The following MGAT4C variants were observed in gnomAD, a reference collection of about 807,000 sequenced individuals.
The protein encoded by MGAT4C is alpha-1,3-mannosyl-glycoprotein 4-beta-N-acetylglucosaminyltransferase C.
Under a neutral mutation model 40.1 loss-of-function variants are expected in MGAT4C, and 19 were observed. The observed-to-expected ratio is 0.47, with a 90% CI of 0.33 to 0.70. The LOEUF (loss-of-function observed/expected upper bound fraction) is 0.70, where lower values mean the gene tolerates loss of function less well. Ranked by LOEUF, MGAT4C falls within the 30% of genes least tolerant of loss-of-function variation. The pLI is 0.02. For missense variants in MGAT4C, 491 were observed against 563.2 expected, an observed-to-expected ratio of 0.87 and a Z score of 1.30; for synonymous variants, 181 against 187.1, an observed-to-expected ratio of 0.97 and a Z score of 0.27.
At chr12:86,523,680 T>A (rs1280154980) in intron 2 of MGAT4C, among the ~76,000 whole-genome samples, 1 of 152,240 alleles carries the variant, frequency 6.6e-6, no homozygotes, top group South Asian at 2.1e-4. Flanking sequence ...ATTCTGTCAG[T>A]GGGGTTGTAA....
chr12:86,111,822 A>G (rs1877462904), intron 1 of MGAT4C, among the ~76,000 whole-genome samples: 1 of 151,866 alleles, frequency 6.6e-6, no homozygotes, highest in Admixed American at 6.6e-5. Flanking sequence ...GTTCAATAAA[A>G]GACAACCACA....
chr12:86,570,600 G>T (rs961166532), intron 2 of MGAT4C, among the ~76,000 whole-genome samples: 3 of 151,952 alleles, frequency 2.0e-5, no homozygotes, highest in African/African-American at 7.3e-5. Flanking sequence ...AAAAAGTGGC[G>T]GGGGAATAAA....
At chr12:86,835,379 A>G (rs1012072372) in intron 1 of MGAT4C, among the ~76,000 whole-genome samples, 6 of 152,032 alleles carry the variant, frequency 3.9e-5, no homozygotes, top group African/African-American at 1.4e-4. Flanking sequence ...TTTTCAAAGC[A>G]GAAGCTGTCT....
intron 1 of MGAT4C, among the ~76,000 whole-genome samples, chr12:86,082,708 T>C (rs537642290): frequency 1.3e-5 from 2 of 152,232 alleles, no homozygotes; most frequent in South Asian, 2.1e-4. Flanking sequence ...CTCCATAAAA[T>C]ACATTTCTAT....
At chr12:86,662,008 T>A (rs983266242) in intron 2 of MGAT4C, among the ~76,000 whole-genome samples, 1 of 152,138 alleles carries the variant, frequency 6.6e-6, no homozygotes, top group African/African-American at 2.4e-5. Context: ...TATATTTAGT[T>A]TCTAATGTGC....
At chr12:86,325,911 A>G (rs1954516420) in intron 4 of MGAT4C, among the ~76,000 whole-genome samples, 1 of 151,976 alleles carries the variant, frequency 6.6e-6, no homozygotes, top group Non-Finnish European at 1.5e-5. Context: ...TGCTTGACAC[A>G]GGGTTCCCTA....
intron 1 of MGAT4C, among the ~76,000 whole-genome samples, chr12:86,760,578 A>G (rs1264591906): frequency 6.6e-6 from 1 of 152,146 alleles, no homozygotes; most frequent in Non-Finnish European, 1.5e-5. Context: ...ATATGCAATG[A>G]AACAGCTTTA....
At chr12:86,284,936 AT>A (rs1335990895) in intron 4 of MGAT4C, among the ~76,000 whole-genome samples, 2 of 152,024 alleles carry the variant, frequency 1.3e-5, no homozygotes, top group Admixed American at 1.3e-4. Flanking sequence ...AATAGTATTA[AT>A]TTTAGCAACT....
intron 1 of MGAT4C, among the ~76,000 whole-genome samples, chr12:86,087,880 TA>T (rs1241601236): frequency 2.0e-4 from 31 of 151,876 alleles, no homozygotes; most frequent in Non-Finnish European, 4.4e-5. Context: ...AAAAAAAAAC[TA>T]TTTAAAAATT....
chr12:86,218,122 G>C (rs1566164901), intron 1 of MGAT4C, among the ~76,000 whole-genome samples: 1 of 148,612 alleles, frequency 6.7e-6, no homozygotes, highest in African/African-American at 2.5e-5. Context: ...TAGGTCATTG[G>C]AAAAAAAAAG....
chr12:86,683,178 G>C (rs1334162698), intron 2 of MGAT4C, among the ~76,000 whole-genome samples: 1 of 151,960 alleles, frequency 6.6e-6, no homozygotes, highest in Non-Finnish European at 1.5e-5. Flanking sequence ...ATAGGGTGGG[G>C]TTAAAAGTAT....
intron 2 of MGAT4C, among the ~76,000 whole-genome samples, chr12:86,452,213 C>CT (rs980824749): frequency 1.4e-5 from 2 of 147,562 alleles, no homozygotes; most frequent in African/African-American, 5.0e-5. Flanking sequence ...TTTTTATATA[C>CT]TTTTTTATTA....
chr12:86,123,114 A>G (rs949603200), intron 1 of MGAT4C, among the ~76,000 whole-genome samples: 2 of 151,924 alleles, frequency 1.3e-5, no homozygotes, highest in Non-Finnish European at 2.9e-5. Context: ...CAAAGTGCCG[A>G]CCCTCCCAGA....
At chr12:86,710,157 A>G (rs921928417) in intron 2 of MGAT4C, among the ~76,000 whole-genome samples, 7 of 152,238 alleles carry the variant, frequency 4.6e-5, no homozygotes, top group Admixed American at 4.6e-4. Flanking sequence ...ATTGAAGTAT[A>G]GTAAATTACA....
At chr12:86,514,617 C>G (rs1404207108) in intron 2 of MGAT4C, among the ~76,000 whole-genome samples, 2 of 152,198 alleles carry the variant, frequency 1.3e-5, no homozygotes, top group Non-Finnish European at 2.9e-5. Flanking sequence ...TCTCTATCTT[C>G]TGCCTTTCTC....
chr12:86,036,122 G>A (rs11830958), intron 2 of MGAT4C, among the ~76,000 whole-genome samples: 1 of 149,774 alleles, frequency 6.7e-6, no homozygotes, highest in Non-Finnish European at 1.5e-5. Context: ...GAAAGTCAAT[G>A]GTCGCTTGCT....
chr12:86,516,298 C>T (rs1958686939), intron 2 of MGAT4C, among the ~76,000 whole-genome samples: 1 of 152,048 alleles, frequency 6.6e-6, no homozygotes. Flanking sequence ...AATCCTTGAA[C>T]TTATAATAAT....
chr12:86,115,274 G>T (rs937810518), intron 1 of MGAT4C, among the ~76,000 whole-genome samples: 42 of 151,846 alleles, frequency 2.8e-4, no homozygotes, highest in African/African-American at 9.4e-4. Context: ...GATAAAAAAG[G>T]TTCACTGAGA....
At chr12:86,381,151 G>A (rs574959813) in intron 3 of MGAT4C, among the ~76,000 whole-genome samples, 114 of 152,170 alleles carry the variant, frequency 7.5e-4, no homozygotes, top group South Asian at 3.7e-3. Context: ...GGAATCATGT[G>A]TACCCAGCTT....
Sources: allele counts gnomAD v4.1 joint callset (sites outside exome capture counted in the v4.1 genomes callset), GRCh38; gene constraint gnomAD v4.1.1; transcripts MANE v1.5; gene names NCBI Gene and HGNC (gene_info 2026-07-23, HGNC 2026-07-21).